The following GAN variants were observed in gnomAD, a reference collection of about 807,000 sequenced individuals.
The protein encoded by GAN is gigaxonin.
In GAN, 48 loss-of-function variants were observed where a neutral mutation model predicts 71.3. The ratio of observed to expected loss-of-function variants is 0.67; its 90% CI spans 0.53 to 0.86. GAN has a LOEUF of 0.86. Ranked by LOEUF, GAN falls within the 40% of genes least tolerant of loss-of-function variation. GAN has a pLI of 0.00. For synonymous variants in GAN, 386 were observed against 276.8 expected (o/e 1.39, Z -3.92); for missense variants, 928 against 770.1 (o/e 1.21, Z -2.43).
chr16:81,352,399 G>T (rs1426006103), intron 2 of GAN, among the ~76,000 whole-genome samples: 2 of 152,128 alleles, frequency 1.3e-5, no homozygotes, highest in Non-Finnish European at 2.9e-5. Context: ...AAAGCATGAG[G>T]ACTCAAGAAA....
chr16:81,369,457 T>G (rs1910965658), intron 9 of GAN, among the ~76,000 whole-genome samples: 1 of 152,254 alleles, frequency 6.6e-6, no homozygotes, highest in African/African-American at 2.4e-5. Flanking sequence ...TCGGAAAATC[T>G]TGGAAAATTT....
At chr16:81,325,431 T>C (rs1267240409) in intron 1 of GAN, among the ~76,000 whole-genome samples, 1 of 151,982 alleles carries the variant, frequency 6.6e-6, no homozygotes, top group African/African-American at 2.4e-5. Flanking sequence ...GTGTTTGGGG[T>C]AGTGAATAGG....
chr16:81,377,644 C>T lies in GAN; in HGVS notation c.*48C>T, dbSNP rs182080874. Reference sequence around the variant, plus strand: ...AGATCCTGACCCAAGAGCACCATAACATAGCTCCGAAAGGGAGAGCAGAGA... The same window carrying T: ...AGATCCTGACCCAAGAGCACCATAATATAGCTCCGAAAGGGAGAGCAGAGA... On this transcript the variant is annotated 3_prime_UTR_variant, in exon 11 of 11. Transcript: ENST00000648994. 1.3e-4 allele frequency: 201 copies of T among 1,524,226 alleles called. No homozygotes were observed. The East Asian group carries it at 4.4e-3, about 33-fold the overall frequency. The allele number at this position is 1,524,226 out of a possible 1,614,324, so 94.4% of individuals were successfully genotyped here. A position where few individuals can be genotyped will look rare whatever the true frequency, so the allele number is the denominator to read the frequency against.
In GAN at chr16:81,382,909, A is replaced by G. The variant is rs1456312883; in HGVS notation, c.*5313A>G. The G allele has an allele frequency of 6.6e-6, 1 of 152,240 alleles. No homozygotes were observed. The highest frequency in any genetic ancestry group is 1.5e-5 in the Non-Finnish European group (1 of 68,048). The allele number at this position is 152,240 out of a possible 1,614,324, so 9.4% of individuals were successfully genotyped here. ...ATTTATGTGACATCTGAGGAATTAAATCATACTTCCAGATGGTTTGGTCTA... is the reference window on the plus strand; with the variant it reads ...ATTTATGTGACATCTGAGGAATTAAGTCATACTTCCAGATGGTTTGGTCTA... On this transcript the variant is annotated 3_prime_UTR_variant, in exon 11 of 11. Coordinates refer to ENST00000648994, the MANE Select transcript of GAN (RefSeq NM_022041.4).
rs1253905631 is a variant in GAN, at chr16:81,377,742, T to G, written c.*146T>G. ...TGGTGGTTTTATGATGCTTACAAACTTGAGCTTTAGCTCTTGTTTGGGAGA... is the reference window on the plus strand; with the variant it reads ...TGGTGGTTTTATGATGCTTACAAACGTGAGCTTTAGCTCTTGTTTGGGAGA... On this transcript the variant is annotated 3_prime_UTR_variant, in exon 11 of 11. Coordinates refer to ENST00000648994, the MANE Select transcript of GAN (RefSeq NM_022041.4). The G allele has an allele frequency of 1.3e-5, 10 of 785,836 alleles. No individual in the cohort carries two copies. Among genetic ancestry groups the G allele is most frequent in the African/African-American group, 3.4e-5 (2 of 58,750 alleles). The allele number at this position is 785,836 out of a possible 1,614,324, so 48.7% of individuals were successfully genotyped here.
rs778221407 is a variant in GAN, at chr16:81,363,749, T to C, written c.1087-45T>C. On this transcript the variant is annotated intron_variant, in intron 6 of 10. Transcript: ENST00000648994. ...AGTGTATGAATATCAGCTTTCAATA[T>C]GATCATTGGCCTTGTGTGTTCAGGG... The C allele has an allele frequency of 3.1e-6, 5 of 1,593,698 alleles. No homozygotes were observed. In the East Asian group the frequency reaches 1.1e-4, roughly 36 times the overall value.
At chr16:81,368,099 T>C (rs1041752603) in intron 9 of GAN, among the ~76,000 whole-genome samples, 1 of 152,198 alleles carries the variant, frequency 6.6e-6, no homozygotes, top group African/African-American at 2.4e-5. Flanking sequence ...GTTAAAACTT[T>C]CTGGGAAAAA....
intron 9 of GAN, among the ~76,000 whole-genome samples, chr16:81,367,693 C>G (rs553777206): frequency 6.6e-5 from 10 of 152,222 alleles, no homozygotes; most frequent in African/African-American, 1.4e-4. Context: ...ACACCAAATG[C>G]CATGTATTTA....
intron 1 of GAN, among the ~76,000 whole-genome samples, chr16:81,328,102 A>G (rs1370584873): frequency 6.6e-6 from 1 of 152,256 alleles, no homozygotes; most frequent in Non-Finnish European, 1.5e-5. Flanking sequence ...TTGTCTTTTA[A>G]GAGAGAAATT....
rs1184923818 is a variant in GAN at position 81,377,825 on chromosome 16, T to C, written c.*229T>C. On this transcript the variant is annotated 3_prime_UTR_variant, in exon 11 of 11. Coordinates refer to ENST00000648994, the MANE Select transcript of GAN (RefSeq NM_022041.4). Reference sequence around the variant, plus strand: ...GTGAGTTCCTCCAGTTAAATGTGGCTGTAGATGTTGGAGGCTAGGGAGGCT... The same window carrying C: ...GTGAGTTCCTCCAGTTAAATGTGGCCGTAGATGTTGGAGGCTAGGGAGGCT... The C allele has an allele frequency of 3.4e-6, 2 of 580,312 alleles. No individual in the cohort carries two copies. The highest frequency in any genetic ancestry group is 3.7e-5 in the African/African-American group (2 of 53,480). The allele number at this position is 580,312 out of a possible 1,614,324, so 35.9% of individuals were successfully genotyped here. A position where few individuals can be genotyped will look rare whatever the true frequency, so the allele number is the denominator to read the frequency against.
intron 5 of GAN, among the ~76,000 whole-genome samples, chr16:81,362,249 G>A (rs1245558588): frequency 1.3e-5 from 2 of 152,124 alleles, no homozygotes; most frequent in Non-Finnish European, 2.9e-5. Context: ...AGCGGGTGAC[G>A]CCAGGCTTCC....
rs1904295291 is a variant in GAN, at chr16:81,379,583, AG to A, written c.*1988del. On this transcript the variant is annotated 3_prime_UTR_variant, in exon 11 of 11. Transcript: ENST00000648994. ...AAAGCAAACTATGTGGCCTCTGCAA[AG>A]AAAGGAAGATTTTTCTTTTTACAAC... 6.6e-6 allele frequency: 1 copy of A among 152,236 alleles called. No homozygotes were observed. Among genetic ancestry groups the A allele is most frequent in the Admixed American group, 6.5e-5 (1 of 15,286 alleles). 9.4% of individuals were successfully genotyped at this position (152,236 alleles called of 1,614,324 possible). A position where few individuals can be genotyped will look rare whatever the true frequency, so the allele number is the denominator to read the frequency against.
Position 81,357,793 on chromosome 16 carries a change from C to T in GAN, c.852-17C>T, listed in dbSNP as rs1307776377. ...TATGAAGCACATTAACTACTGATCACTTATTTACTTCCTTAGTTCACGGAA... is the reference window on the plus strand; with the variant it reads ...TATGAAGCACATTAACTACTGATCATTTATTTACTTCCTTAGTTCACGGAA... On this transcript the variant is annotated splice_polypyrimidine_tract_variant and intron_variant, in intron 4 of 10. Coordinates refer to ENST00000648994, the MANE Select transcript of GAN (RefSeq NM_022041.4). 1.2e-6 allele frequency: 2 copies of T among 1,610,304 alleles called. No homozygotes were observed. Among genetic ancestry groups the T allele is most frequent in the Admixed American group, 1.7e-5 (1 of 60,010 alleles).
At chr16:81,338,958 C>A (rs1415565604) in intron 1 of GAN, among the ~76,000 whole-genome samples, 1 of 152,204 alleles carries the variant, frequency 6.6e-6, no homozygotes, top group African/African-American at 2.4e-5. Flanking sequence ...CACATTGTTA[C>A]CTGCCCATGA....
intron 1 of GAN, among the ~76,000 whole-genome samples, chr16:81,349,604 A>G (rs928305583): frequency 6.6e-6 from 1 of 152,190 alleles, no homozygotes; most frequent in African/African-American, 2.4e-5. Context: ...TGATTGCGCC[A>G]CTGCACTCCA....
At chr16:81,340,523 C>G in intron 1 of GAN, among the ~76,000 whole-genome samples, 1 of 152,088 alleles carries the variant, frequency 6.6e-6, no homozygotes, top group Non-Finnish European at 1.5e-5. Flanking sequence ...AGCAAACCCC[C>G]ACAGACCTGC....
At chr16:81,366,796 G>A (rs1313708990) in intron 9 of GAN, among the ~76,000 whole-genome samples, 1 of 152,054 alleles carries the variant, frequency 6.6e-6, no homozygotes, top group Non-Finnish European at 1.5e-5. Context: ...GACTGGGAGG[G>A]CTGATTGCCC....
At chr16:81,355,557 C>G (rs917787345) in intron 3 of GAN, among the ~76,000 whole-genome samples, 1 of 152,142 alleles carries the variant, frequency 6.6e-6, no homozygotes, top group Non-Finnish European at 1.5e-5. Context: ...GAGACAGGGT[C>G]TCGCTGTGCT....
chr16:81,372,673 G>A (rs1291380745), intron 9 of GAN, among the ~76,000 whole-genome samples: 1 of 152,148 alleles, frequency 6.6e-6, no homozygotes, highest in Non-Finnish European at 1.5e-5. Context: ...AGTTTCTTAG[G>A]TTAATACAGT....
Sources: gnomAD v4.1 joint callset for allele counts (sites outside exome capture counted in the v4.1 genomes callset) on GRCh38, gnomAD v4.1.1 for gene constraint, MANE v1.5 for transcripts, NCBI Gene and HGNC (gene_info 2026-07-23, HGNC 2026-07-21) for gene names.